ZNF562: variants seen among roughly 807,000 people sequenced by gnomAD.
ZNF562 encodes the protein zinc finger protein 562.
A neutral mutation model predicts 17.5 loss-of-function variants in ZNF562; 13 were observed. The ratio of observed to expected loss-of-function variants is 0.74; its 90% CI spans 0.48 to 1.18. The LOEUF is 1.18. Ranked by LOEUF, ZNF562 falls within the 50% of genes most tolerant of loss-of-function variation. The probability of loss-of-function intolerance (pLI) is 0.00; values close to 1 mark genes in which losing one functional copy is unlikely to be tolerated. For synonymous variants in ZNF562, 163 were observed against 165.4 expected, an observed-to-expected ratio of 0.99 and a Z score of 0.11; for missense variants, 481 against 498.5, an observed-to-expected ratio of 0.96 and a Z score of 0.33.
chr19:9,672,110 C>T (rs1339409122), intron 1 of ZNF562, among the ~76,000 whole-genome samples: 4 of 152,152 alleles, frequency 2.6e-5, no homozygotes, highest in Admixed American at 2.6e-4. Context: ...GAGTGTGACT[C>T]TCTGAAAGTC....
rs2074807717 is a variant in ZNF562, at chr19:9,646,499, A to C, written c.*6450T>G. The C allele has an allele frequency of 6.6e-6, 1 of 152,224 alleles. No individual in the cohort carries two copies. Among genetic ancestry groups the C allele is most frequent in the Non-Finnish European group, 1.5e-5 (1 of 68,038 alleles). The allele number at this position is 152,224 out of a possible 1,614,324, so 9.4% of individuals were successfully genotyped here. On this transcript the variant is annotated 3_prime_UTR_variant, in exon 6 of 6. Coordinates refer to ENST00000453372, the MANE Select transcript of ZNF562 (RefSeq NM_001130031.2). ...AACTATATAAATATCTAACAGAATTAGTGGAACAGAAAACATGCAAGAAAT... is the reference window on the plus strand; with the variant it reads ...AACTATATAAATATCTAACAGAATTCGTGGAACAGAAAACATGCAAGAAAT...
chr19:9,662,572 A>C (rs1420799190), intron 1 of ZNF562, among the ~76,000 whole-genome samples: 1 of 151,946 alleles, frequency 6.6e-6, no homozygotes, highest in African/African-American at 2.4e-5. Context: ...AAAAAAAAAA[A>C]AAGAGAGAAA....
In ZNF562 at chr19:9,644,940, T is replaced by G. The variant is rs1254515232; in HGVS notation, c.*8009A>C. On this transcript the variant is annotated 3_prime_UTR_variant, in exon 6 of 6. Coordinates refer to ENST00000453372, the MANE Select transcript of ZNF562 (RefSeq NM_001130031.2). ...TGTTTCTTTGGGCCTTCAGTCCTGC[T>G]GACTTCCGGCCTCCTGAGTCCCTAA... 1 of 152,270 alleles carries G rather than the reference T, an allele frequency of 6.6e-6. No homozygotes were observed. Among genetic ancestry groups the G allele is most frequent in the Non-Finnish European group, 1.5e-5 (1 of 68,070 alleles). 9.4% of individuals were successfully genotyped at this position (152,270 alleles called of 1,614,324 possible).
chr19:9,657,187 G>A (rs962676371), intron 4 of ZNF562, among the ~76,000 whole-genome samples: 3 of 151,684 alleles, frequency 2.0e-5, no homozygotes, highest in Admixed American at 6.6e-5. Context: ...CAACTGATGG[G>A]GAACAGGAAG....
chr19:9,653,280 T>G lies in ZNF562; in HGVS notation c.950A>C (p.Lys317Thr). 1.2e-6 allele frequency: 2 copies of G among 1,614,214 alleles called. No homozygotes were observed. The highest frequency in any genetic ancestry group is 1.1e-5 in the South Asian group (1 of 91,072). Residue 317 changes from lysine to threonine, a missense_variant, in exon 6 of 6, where the codon AAA becomes ACA. Transcript: ENST00000453372. ...GAAGGCTTTCCCACATTCCGTACAT[T>G]TGTGTGGTTTTATTCCAGTGTGAAT... ...IQIHTGIKPH[K>T]CTECGKAFTR...
At position 9,648,290 on chromosome 19, in the gene ZNF562, A is replaced by T. The variant is rs2074823209; in HGVS notation, c.*4659T>A. ...CATTGGAAAAGCAATAAATACAAAT[A>T]CCACATTTATTTAATTTAATTTATT... On this transcript the variant is annotated 3_prime_UTR_variant, in exon 6 of 6. Coordinates refer to ENST00000453372, the MANE Select transcript of ZNF562 (RefSeq NM_001130031.2). 2 of 152,170 alleles carry T rather than the reference A, an allele frequency of 1.3e-5. No individual in the cohort carries two copies. The highest frequency in any genetic ancestry group is 2.4e-5 in the African/African-American group (1 of 41,440). 9.4% of individuals were successfully genotyped at this position (152,170 alleles called of 1,614,324 possible).
chr19:9,657,864 AT>A (rs990325919), intron 4 of ZNF562, 144 bp downstream of exon 4: 1,208 of 1,143,904 alleles, frequency 1.1e-3, no homozygotes, highest in South Asian at 1.7e-3. Flanking sequence ...TATTCTTAGG[AT>A]TTTTTTTTAG....
Position 9,642,235 on chromosome 19 carries a change from G to A in ZNF562, c.*10714C>T, listed in dbSNP as rs1029283035. On this transcript the variant is annotated 3_prime_UTR_variant, in exon 6 of 6. Transcript: ENST00000453372. ...CAATGGCTTGACCATGGTATGGCCA[G>A]CTCAGAGTACCTTACAGTTCTGATG... is the stretch of plus-strand genomic sequence containing the variant. 2.6e-5 allele frequency: 4 copies of A among 151,058 alleles called. No homozygotes were observed. In the South Asian group the frequency reaches 6.3e-4, roughly 24 times the overall value. The allele number at this position is 151,058 out of a possible 1,614,324, so 9.4% of individuals were successfully genotyped here. A position where few individuals can be genotyped will look rare whatever the true frequency, so the allele number is the denominator to read the frequency against.
intron 1 of ZNF562, among the ~76,000 whole-genome samples, chr19:9,673,131 A>G (rs2044261053): frequency 6.6e-6 from 1 of 152,006 alleles, no homozygotes; most frequent in Non-Finnish European, 1.5e-5. Flanking sequence ...ACATCCCACC[A>G]TCATGACTCA....
chr19:9,654,125 G>T (rs2043372189), intron 5 of ZNF562, among the ~76,000 whole-genome samples: 2 of 152,120 alleles, frequency 1.3e-5, no homozygotes, highest in South Asian at 4.2e-4. Context: ...CGAGTAGCTG[G>T]AAATACAGGT....
chr19:9,652,905 G>C lies in ZNF562; in HGVS notation c.*44C>G, dbSNP rs776023314. ...GGTTTCTCTCTGGTAGGAGTTCACAGGTGGGGTGAGGAATACAGAAATTCT... is the reference window on the plus strand; with the variant it reads ...GGTTTCTCTCTGGTAGGAGTTCACACGTGGGGTGAGGAATACAGAAATTCT... On this transcript the variant is annotated 3_prime_UTR_variant, in exon 6 of 6. Coordinates refer to ENST00000453372, the MANE Select transcript of ZNF562 (RefSeq NM_001130031.2). 2 of 1,460,772 alleles carry C rather than the reference G, an allele frequency of 1.4e-6. No homozygotes were observed. Among genetic ancestry groups the C allele is most frequent in the Non-Finnish European group, 1.8e-6 (2 of 1,103,346 alleles). The allele number at this position is 1,460,772 out of a possible 1,614,324, so 90.5% of individuals were successfully genotyped here.
At chr19:9,656,945 C>T (rs1293365756) in intron 4 of ZNF562, among the ~76,000 whole-genome samples, 1 of 150,140 alleles carries the variant, frequency 6.7e-6, no homozygotes, top group Admixed American at 6.7e-5. Context: ...GAGGCTGAGG[C>T]AGGGGAATCA....
At chr19:9,661,444 G>A (rs942715910) in intron 1 of ZNF562, among the ~76,000 whole-genome samples, 2 of 152,060 alleles carry the variant, frequency 1.3e-5, no homozygotes, top group African/African-American at 4.8e-5. Flanking sequence ...TCAGCCTCCC[G>A]AGTAGCTGGG....
intron 1 of ZNF562, among the ~76,000 whole-genome samples, chr19:9,674,156 G>T (rs1568287633): frequency 6.6e-6 from 1 of 152,112 alleles, no homozygotes; most frequent in Non-Finnish European, 1.5e-5. Flanking sequence ...ATTCCAATTG[G>T]CTAATTTAAA....
At position 9,669,756 on chromosome 19, in the gene ZNF562, A is replaced by ACG. The variant is rs1341848259; in HGVS notation, c.-131+5258_-131+5259insCG. On this transcript the variant is annotated intron_variant, in intron 1 of 5. Transcript: ENST00000453372. Reference sequence around the variant, plus strand: ...CGCGCACACACACACACACACACACACACACACACACACACACACAACCAG... The same window carrying ACG: ...CGCGCACACACACACACACACACACACGCACACACACACACACACACAACCAG... Among the ~76,000 whole-genome samples the ACG allele has an allele frequency of 2.8e-3, 420 of 150,616 alleles. 2 individuals carry two copies. Among genetic ancestry groups the ACG allele is most frequent in the Non-Finnish European group, 5.0e-3 (338 of 67,674 alleles).
intron 1 of ZNF562, among the ~76,000 whole-genome samples, chr19:9,672,868 C>T (rs1038541033): frequency 6.6e-6 from 1 of 151,330 alleles, no homozygotes; most frequent in African/African-American, 2.4e-5. Flanking sequence ...CAACCTCCGC[C>T]TCCCGGGTTA....
intron 1 of ZNF562, among the ~76,000 whole-genome samples, chr19:9,667,573 T>G (rs1433662067): frequency 2.6e-4 from 39 of 152,066 alleles, no homozygotes. Flanking sequence ...GAAGTCAAAT[T>G]AGCCATGTTT....
chr19:9,672,378 C>G (rs1337467136), intron 1 of ZNF562, among the ~76,000 whole-genome samples: 1 of 152,076 alleles, frequency 6.6e-6, no homozygotes, highest in Non-Finnish European at 1.5e-5. Flanking sequence ...ATTTAAAGGT[C>G]AAGCATCACA....
rs2074869393 is a variant in ZNF562 at position 9,651,701 on chromosome 19, G to A, written c.*1248C>T. ...GACATATTCCTGTTGCAGATAACAAGCCAGAGCCTGTCCCTTTCTTTCTCA... is the reference window on the plus strand; with the variant it reads ...GACATATTCCTGTTGCAGATAACAAACCAGAGCCTGTCCCTTTCTTTCTCA... On this transcript the variant is annotated 3_prime_UTR_variant, in exon 6 of 6. Coordinates refer to ENST00000453372, the MANE Select transcript of ZNF562 (RefSeq NM_001130031.2). 1 of 152,214 alleles carries A rather than the reference G, an allele frequency of 6.6e-6. No individual in the cohort carries two copies. Among genetic ancestry groups the A allele is most frequent in the African/African-American group, 2.4e-5 (1 of 41,450 alleles). 9.4% of individuals were successfully genotyped at this position (152,214 alleles called of 1,614,324 possible). A position where few individuals can be genotyped will look rare whatever the true frequency, so the allele number is the denominator to read the frequency against.
Sources: gnomAD v4.1 joint callset for allele counts (sites outside exome capture counted in the v4.1 genomes callset) on GRCh38, gnomAD v4.1.1 for gene constraint, MANE v1.5 for transcripts, NCBI Gene and HGNC (gene_info 2026-07-23, HGNC 2026-07-21) for gene names.